Variants in PDXK observed in about 807,000 individuals in gnomAD.
PDXK encodes the protein pyridoxal kinase, also known as epididymis secretory sperm binding protein Li 1a.
A neutral mutation model predicts 43.2 loss-of-function variants in PDXK; 15 were observed. The ratio of observed to expected loss-of-function variants is 0.35; its 90% CI spans 0.23 to 0.53. PDXK has a LOEUF of 0.53. PDXK is among the 20% of genes least tolerant of loss of function. PDXK has a pLI of 0.92. For missense variants in PDXK, 343 were observed against 417.0 expected, an observed-to-expected ratio of 0.82 and a Z score of 1.54; for synonymous variants, 172 against 165.4, an observed-to-expected ratio of 1.04 and a Z score of -0.31.
Position 43,753,735 on chromosome 21 carries a change from C to A in PDXK, c.759+16C>A. 1.2e-6 allele frequency: 2 copies of A among 1,602,064 alleles called. No individual in the cohort carries two copies. The highest frequency in any genetic ancestry group is 4.5e-5 in the East Asian group (2 of 44,352). On this transcript the variant is annotated intron_variant, in intron 9 of 10. Transcript: ENST00000291565. ...TAACCTCAAGGTCAGCCACACGCAC[C>A]GCTCCCCTCCTCGCCCACTCCCACG...
Position 43,723,754 on chromosome 21 carries a change from G to C in PDXK, c.87+4373G>C, listed in dbSNP as rs141137736. The C allele has an allele frequency of 6.6e-6, 1 of 152,258 alleles. No individual in the cohort carries two copies. The highest frequency in any genetic ancestry group is 1.5e-5 in the Non-Finnish European group (1 of 68,086). 9.4% of individuals were successfully genotyped at this position (152,258 alleles called of 1,614,324 possible). ...AGCCTGTCCTGTCACTGTGCATCCC[G>C]TCCAGATGGACAGGTAGTAGATTCC... On this transcript the variant is annotated intron_variant, in intron 1 of 10. Coordinates refer to ENST00000291565, the MANE Select transcript of PDXK (RefSeq NM_003681.5). This position sits in a 1 kb window ranked among gnomAD's most constrained non-coding sequence, Gnocchi z 4.1.
chr21:43,753,724 G>A lies in PDXK; in HGVS notation c.759+5G>A. Reference sequence around the variant, plus strand: ...AAGCACCCCAATAACCTCAAGGTCAGCCACACGCACCGCTCCCCTCCTCGC... The same window carrying A: ...AAGCACCCCAATAACCTCAAGGTCAACCACACGCACCGCTCCCCTCCTCGC... On this transcript the variant is annotated splice_donor_5th_base_variant and intron_variant, in intron 9 of 10. Coordinates refer to ENST00000291565, the MANE Select transcript of PDXK (RefSeq NM_003681.5). The A allele has an allele frequency of 6.2e-7, 1 of 1,609,246 alleles. No homozygotes were observed. Among genetic ancestry groups the A allele is most frequent in the Non-Finnish European group, 8.5e-7 (1 of 1,176,952 alleles).
rs752826014 is a variant in PDXK, at chr21:43,753,567, C to A, written c.623-16C>A. ...AGCGGCAGATCTCAGTGACCTTGCC[C>A]ATCTTCTCCCCCTAGGGAATCCCGC... On this transcript the variant is annotated splice_polypyrimidine_tract_variant and intron_variant, in intron 8 of 10. Coordinates refer to ENST00000291565, the MANE Select transcript of PDXK (RefSeq NM_003681.5). 6.2e-7 allele frequency: 1 copy of A among 1,602,572 alleles called. No individual in the cohort carries two copies. Among genetic ancestry groups the A allele is most frequent in the South Asian group, 1.1e-5 (1 of 89,906 alleles).
Position 43,760,620 on chromosome 21 carries a change from T to C in PDXK, c.*4557T>C, listed in dbSNP as rs1000533459. ...CCCCCGGTAGGATGGACGTGAGCCA[T>C]CCTTCTAGGGGACTTTTTTCAGTGT... is the stretch of plus-strand genomic sequence containing the variant. On this transcript the variant is annotated 3_prime_UTR_variant, in exon 11 of 11. Coordinates refer to ENST00000291565, the MANE Select transcript of PDXK (RefSeq NM_003681.5). 4 of 152,224 alleles carry C rather than the reference T, an allele frequency of 2.6e-5. No homozygotes were observed. The highest frequency in any genetic ancestry group is 9.7e-5 in the African/African-American group (4 of 41,436). The allele number at this position is 152,224 out of a possible 1,614,324, so 9.4% of individuals were successfully genotyped here. A position where few individuals can be genotyped will look rare whatever the true frequency, so the allele number is the denominator to read the frequency against.
rs988469286 is a variant in PDXK, at chr21:43,732,804, G to T, written c.88-1265G>T. ...ACTCCGTCACCCAGGCTAGAGTGCA[G>T]TGGTGCCATCAGGGCTCACTGCAGC... On this transcript the variant is annotated intron_variant, in intron 1 of 10. Transcript: ENST00000291565. The surrounding 1 kb of genome is among the most constrained non-coding windows in gnomAD (Gnocchi z 4.1). 6.6e-6 allele frequency among the ~76,000 whole-genome samples: 1 copy of T among 152,106 alleles called. No homozygotes were observed. The highest frequency in any genetic ancestry group is 2.1e-4 in the South Asian group (1 of 4,832).
intron 4 of PDXK, 72 bp downstream of exon 4, chr21:43,743,879 A>G (rs530229042): frequency 1.9e-6 from 2 of 1,051,794 alleles, no homozygotes; most frequent in South Asian, 2.6e-5. Context: ...GAGCCCGGGA[A>G]GGGACGTCTT....
At chr21:43,751,576 A>AACAG (rs1568991688) in intron 7 of PDXK, among the ~76,000 whole-genome samples, 1 of 152,110 alleles carries the variant, frequency 6.6e-6, no homozygotes, top group African/African-American at 2.4e-5. Context: ...AAACAAAACA[A>AACAG]AACAGAACTT....
rs572200629 is a variant in PDXK, at chr21:43,756,042, C to A, written c.918C>A (p.Val306=). 1 of 1,610,058 alleles carries A rather than the reference C, an allele frequency of 6.2e-7. No individual in the cohort carries two copies. The highest frequency in any genetic ancestry group is 1.1e-5 in the South Asian group (1 of 90,612). ...SKRDIEDPEI[V]VQATVL is the part of the protein sequence containing the mutation. The stretch of plus-strand genomic sequence containing the variant: ...GGGACATCGAGGACCCAGAGATCGT[C>A]GTCCAGGCCACGGTGCTGTGAGGGC... Residue 306 remains valine, a synonymous_variant, in exon 11 of 11, where the codon GTC becomes GTA. Transcript: ENST00000291565.
intron 2 of PDXK, chr21:43,741,133 C>CGCGGGGGG: frequency 1.2e-5 from 1 of 83,534 alleles, no homozygotes; most frequent in African/African-American, 5.0e-5. Context: ...TCGTAGTAAC[C>CGCGGGGGG]ATCCCTGACA....
Position 43,734,237 on chromosome 21 carries a change from TG to T in PDXK, c.142+115del. 1 of 972,486 alleles carries T rather than the reference TG, an allele frequency of 1.0e-6. No individual in the cohort carries two copies. The highest frequency in any genetic ancestry group is 1.6e-6 in the Non-Finnish European group (1 of 615,182). 60.2% of individuals were successfully genotyped at this position (972,486 alleles called of 1,614,324 possible). ...GTGGGTGTGAGGGACGGGGCTTTCG[TG>T]TGGACGGGGACCTGGAGTCCTGGGC... On this transcript the variant is annotated intron_variant, in intron 2 of 10. Transcript: ENST00000291565. This position sits in a 1 kb window ranked among gnomAD's most constrained non-coding sequence, Gnocchi z 5.0.
At chr21:43,731,994 A>C in intron 1 of PDXK, 1 of 280,906 alleles carries the variant, frequency 3.6e-6, no homozygotes, top group Non-Finnish European at 6.0e-6. Flanking sequence ...GGGGCATGCG[A>C]TGAGGAATTC....
rs1431913975 is a variant in PDXK at position 43,757,596 on chromosome 21, T to G, written c.*1533T>G. 1.3e-5 allele frequency: 2 copies of G among 152,098 alleles called. No individual in the cohort carries two copies. The highest frequency in any genetic ancestry group is 4.8e-5 in the African/African-American group (2 of 41,398). The allele number at this position is 152,098 out of a possible 1,614,324, so 9.4% of individuals were successfully genotyped here. A position where few individuals can be genotyped will look rare whatever the true frequency, so the allele number is the denominator to read the frequency against. On this transcript the variant is annotated 3_prime_UTR_variant, in exon 11 of 11. Coordinates refer to ENST00000291565, the MANE Select transcript of PDXK (RefSeq NM_003681.5). ...ATGCCCTGAAGCGAAAAGATGCAGG[T>G]TTATATGGAACCCCCACCCCCTCCC...
intron 4 of PDXK, chr21:43,744,794 C>T (rs2083608042): frequency 1.3e-5 from 2 of 152,264 alleles, no homozygotes; most frequent in Non-Finnish European, 2.9e-5. Flanking sequence ...AACACAGACT[C>T]AAGCGGATGT....
intron 1 of PDXK, among the ~76,000 whole-genome samples, chr21:43,730,266 C>T (rs1029053581): frequency 1.3e-5 from 2 of 152,064 alleles, no homozygotes; most frequent in Admixed American, 6.5e-5. Context: ...GCTGGGACTA[C>T]AGGCACGAGC....
rs375810786 is a variant in PDXK, at chr21:43,732,616, A to T, written c.88-1453A>T. 1.3e-6 allele frequency: 1 copy of T among 790,416 alleles called. No individual in the cohort carries two copies. The highest frequency in any genetic ancestry group is 2.3e-6 in the Non-Finnish European group (1 of 427,774). The allele number at this position is 790,416 out of a possible 1,614,324, so 49.0% of individuals were successfully genotyped here. A position where few individuals can be genotyped will look rare whatever the true frequency, so the allele number is the denominator to read the frequency against. ...TGGCAGGATTTTCAGGATTTGTGTCATCGTTGCTTAATATCTGTTTCTTCA... is the reference window on the plus strand; with the variant it reads ...TGGCAGGATTTTCAGGATTTGTGTCTTCGTTGCTTAATATCTGTTTCTTCA... On this transcript the variant is annotated intron_variant, in intron 1 of 10. Transcript: ENST00000291565. This position sits in a 1 kb window ranked among gnomAD's most constrained non-coding sequence, Gnocchi z 4.1.
At chr21:43,727,027 G>C (rs182475952) in intron 1 of PDXK, among the ~76,000 whole-genome samples, 4 of 152,322 alleles carry the variant, frequency 2.6e-5, no homozygotes, top group African/African-American at 9.6e-5. Context: ...GCAGGCCCCA[G>C]TGTTGGCCGG....
At chr21:43,741,971 A>G (rs1041616862) in intron 3 of PDXK, among the ~76,000 whole-genome samples, 200 bp downstream of exon 3, 1 of 151,906 alleles carries the variant, frequency 6.6e-6, no homozygotes, top group African/African-American at 2.4e-5. Context: ...CGGGACAATG[A>G]CTGCCCAGGC....
chr21:43,743,859 G>GCCA, intron 4 of PDXK, 52 bp downstream of exon 4: 3 of 1,346,420 alleles, frequency 2.2e-6, no homozygotes, highest in Non-Finnish European at 3.2e-6. Context: ...CACGGGTGGG[G>GCCA]CTGGCCTGGG....
At chr21:43,744,891 A>T (rs910682959) in intron 4 of PDXK, among the ~76,000 whole-genome samples, 22 of 152,220 alleles carry the variant, frequency 1.4e-4, no homozygotes, top group Admixed American at 3.9e-4. Context: ...AGACAAACAA[A>T]GTGTCCGTAC....
Sources: gnomAD v4.1 joint callset for allele counts (sites outside exome capture counted in the v4.1 genomes callset) on GRCh38, gnomAD v4.1.1 for gene constraint, Gnocchi (gnomAD v3.1) non-coding constraint, MANE v1.5 for transcripts, NCBI Gene and HGNC (gene_info 2026-07-23, HGNC 2026-07-21) for gene names.